Variants in HS2ST1 observed in about 807,000 individuals in gnomAD.
HS2ST1 encodes the protein 2-O-sulfotransferase.
HS2ST1 carries 18 observed loss-of-function variants against 42.9 expected under a neutral mutation model. The ratio of observed to expected loss-of-function variants is 0.42; its 90% CI spans 0.29 to 0.62. The LOEUF (loss-of-function observed/expected upper bound fraction) is 0.62, where lower values mean the gene tolerates loss of function less well. Ranked by LOEUF, HS2ST1 falls within the 20% of genes least tolerant of loss-of-function variation. The pLI is 0.21. For synonymous variants in HS2ST1, 146 were observed against 152.9 expected, an observed-to-expected ratio of 0.95 and a Z score of 0.33; for missense variants, 334 against 433.8, an observed-to-expected ratio of 0.77 and a Z score of 2.04.
intron 1 of HS2ST1, among the ~76,000 whole-genome samples, chr1:87,060,834 A>G (rs1391264067): frequency 6.6e-6 from 1 of 152,148 alleles, no homozygotes; most frequent in Non-Finnish European, 1.5e-5. Flanking sequence ...TAACGTAGTA[A>G]CCTTAGCAAT....
At chr1:86,985,419 T>TACACATATATAC (rs1490803698) in intron 1 of HS2ST1, among the ~76,000 whole-genome samples, 2 of 54,676 alleles carry the variant, frequency 3.7e-5, no homozygotes, top group African/African-American at 4.6e-5. Flanking sequence ...CACATATATA[T>TACACATATATAC]ACACATATAT....
At chr1:86,924,618 GA>G (rs1660375411) in intron 1 of HS2ST1, among the ~76,000 whole-genome samples, 1 of 152,202 alleles carries the variant, frequency 6.6e-6, no homozygotes, top group African/African-American at 2.4e-5. Flanking sequence ...ACACCATGTG[GA>G]AGCTGCCAAG....
At chr1:87,097,815 G>T in intron 4 of HS2ST1, 23 bp from the exon 5 acceptor site, 1 of 1,613,274 alleles carries the variant, frequency 6.2e-7, no homozygotes, top group South Asian at 1.1e-5. Context: ...TGGCTTACCC[G>T]TGCTGCTTTG....
Position 87,109,308 on chromosome 1 carries a change from A to C in HS2ST1, c.*4612A>C, listed in dbSNP as rs1214759878. 1 of 152,160 alleles carries C rather than the reference A, an allele frequency of 6.6e-6. No individual in the cohort carries two copies. The highest frequency in any genetic ancestry group is 1.5e-5 in the Non-Finnish European group (1 of 67,992). 9.4% of individuals were successfully genotyped at this position (152,160 alleles called of 1,614,324 possible). A position where few individuals can be genotyped will look rare whatever the true frequency, so the allele number is the denominator to read the frequency against. ...TGTTGCCATCAAGAAAGCATGCAACATCATTGGTTTCTAATGATTTTATGG... is the reference window on the plus strand; with the variant it reads ...TGTTGCCATCAAGAAAGCATGCAACCTCATTGGTTTCTAATGATTTTATGG... On this transcript the variant is annotated 3_prime_UTR_variant, in exon 7 of 7. Transcript: ENST00000370550.
intron 2 of HS2ST1, among the ~76,000 whole-genome samples, chr1:87,080,023 A>G (rs1651645357): frequency 6.6e-6 from 1 of 152,168 alleles, no homozygotes; most frequent in Admixed American, 6.5e-5. Flanking sequence ...GCTGTCCGGC[A>G]TGAGTGACAG....
At chr1:86,923,799 G>C (rs1170200978) in intron 1 of HS2ST1, among the ~76,000 whole-genome samples, 1 of 152,124 alleles carries the variant, frequency 6.6e-6, no homozygotes, top group East Asian at 1.9e-4. Context: ...CTCCCACCAG[G>C]TCCCTCCCAC....
chr1:87,017,223 G>A lies in HS2ST1; in HGVS notation c.125-55711G>A, dbSNP rs543247059. ...GCCATCTCGGCTCACTGCAACCTCC[G>A]CCTCCCAGGTTCAAGCGATTCTCCT... is the stretch of plus-strand genomic sequence containing the variant. On this transcript the variant is annotated intron_variant, in intron 1 of 6. Transcript: ENST00000370550. Among the ~76,000 whole-genome samples the A allele has an allele frequency of 1.6e-3, 249 of 152,026 alleles. 2 individuals are homozygous for A. Among genetic ancestry groups the A allele is most frequent in the Non-Finnish European group, 2.1e-3 (144 of 67,962 alleles).
intron 3 of HS2ST1, among the ~76,000 whole-genome samples, chr1:87,091,848 T>C (rs1651952779): frequency 2.0e-5 from 3 of 152,060 alleles, no homozygotes; most frequent in Admixed American, 2.0e-4. Context: ...TCTTCAGTGT[T>C]CCATCAACTC....
chr1:87,043,494 G>T (rs972821039), intron 1 of HS2ST1, among the ~76,000 whole-genome samples: 2 of 152,032 alleles, frequency 1.3e-5, no homozygotes, highest in African/African-American at 4.8e-5. Flanking sequence ...TGTAAAGCAA[G>T]ATAGTAATTG....
At chr1:86,931,113 A>G (rs1472882395) in intron 1 of HS2ST1, among the ~76,000 whole-genome samples, 1 of 152,070 alleles carries the variant, frequency 6.6e-6, no homozygotes. Flanking sequence ...GACGTGAAAT[A>G]TAGTAGGTTT....
At chr1:86,964,132 ACG>A (rs1158533580) in intron 1 of HS2ST1, among the ~76,000 whole-genome samples, 1 of 150,388 alleles carries the variant, frequency 6.6e-6, no homozygotes, top group Non-Finnish European at 1.5e-5. Flanking sequence ...CCGGGCAGAG[ACG>A]CTCCTCACTT....
At chr1:86,941,496 G>A (rs1463297705) in intron 1 of HS2ST1, among the ~76,000 whole-genome samples, 1 of 152,072 alleles carries the variant, frequency 6.6e-6, no homozygotes, top group African/African-American at 2.4e-5. Context: ...TTACAGCCGG[G>A]CACCGTGGCT....
intron 1 of HS2ST1, among the ~76,000 whole-genome samples, chr1:87,048,769 G>A (rs948705224): frequency 2.6e-5 from 4 of 152,022 alleles, no homozygotes; most frequent in African/African-American, 9.7e-5. Flanking sequence ...TATTTAATAA[G>A]GTAAGTTACA....
chr1:86,918,541 A>T (rs1660216924), intron 1 of HS2ST1, among the ~76,000 whole-genome samples: 1 of 152,044 alleles, frequency 6.6e-6, no homozygotes, highest in Admixed American at 6.6e-5. Flanking sequence ...GGTATTATAA[A>T]CAATTATAGG....
intron 1 of HS2ST1, among the ~76,000 whole-genome samples, chr1:86,965,736 C>A (rs2102203245): frequency 6.6e-6 from 1 of 152,078 alleles, no homozygotes; most frequent in South Asian, 2.1e-4. Flanking sequence ...AGGGCTTGTG[C>A]TACTTAGATA....
At chr1:86,974,801 T>G (rs1648346501) in intron 1 of HS2ST1, among the ~76,000 whole-genome samples, 1 of 152,196 alleles carries the variant, frequency 6.6e-6, no homozygotes, top group African/African-American at 2.4e-5. Flanking sequence ...ATGTTTTCAT[T>G]TAGTAGTCAT....
chr1:86,994,911 A>G (rs2100563686), intron 1 of HS2ST1, among the ~76,000 whole-genome samples: 1 of 152,282 alleles, frequency 6.6e-6, no homozygotes, highest in African/African-American at 2.4e-5. Flanking sequence ...TGAATATTTC[A>G]AATTTCAAAT....
chr1:86,992,620 C>G (rs1456150466), intron 1 of HS2ST1, among the ~76,000 whole-genome samples: 1 of 152,156 alleles, frequency 6.6e-6, no homozygotes, highest in East Asian at 1.9e-4. Flanking sequence ...CCTCGGCCTC[C>G]CAAATTGCTG....
intron 1 of HS2ST1, among the ~76,000 whole-genome samples, chr1:86,970,249 A>G (rs1360312546): frequency 6.6e-6 from 1 of 152,212 alleles, no homozygotes; most frequent in Non-Finnish European, 1.5e-5. Context: ...TAATGTATTA[A>G]TGCAAATAAA....
Sources: allele counts gnomAD v4.1 joint callset (sites outside exome capture counted in the v4.1 genomes callset), GRCh38; gene constraint gnomAD v4.1.1; transcripts MANE v1.5; gene names NCBI Gene and HGNC (gene_info 2026-07-23, HGNC 2026-07-21).